Variants in RNF17 observed in about 807,000 individuals in gnomAD.
RNF17 encodes spermatogenesis associated 23.
A neutral mutation model predicts 200.5 loss-of-function variants in RNF17; 31 were observed. That is an observed-to-expected ratio of 0.15 (90% CI 0.12 to 0.21). The LOEUF (loss-of-function observed/expected upper bound fraction) is 0.21. Among genes scored for constraint, RNF17 ranks in the 10% least tolerant of loss-of-function variants. RNF17 has a pLI of 1.00. For synonymous variants in RNF17, 606 were observed against 637.8 expected, an observed-to-expected ratio of 0.95 and a Z score of 0.75; for missense variants, 1,628 against 1,905.1, an observed-to-expected ratio of 0.85 and a Z score of 2.71.
At chr13:24,772,798 G>A (rs1880970117) in intron 2 of RNF17, among the ~76,000 whole-genome samples, 1 of 151,990 alleles carries the variant, frequency 6.6e-6, no homozygotes, top group African/African-American at 2.4e-5. Flanking sequence ...TTTTAGTAGA[G>A]ACGGGGTTTC....
chr13:24,794,857 A>G (rs1171383428), intron 10 of RNF17, among the ~76,000 whole-genome samples: 1 of 152,162 alleles, frequency 6.6e-6, no homozygotes, highest in Non-Finnish European at 1.5e-5. Flanking sequence ...AGCTGGGATT[A>G]TAGGCACATG....
At chr13:24,884,828 T>C (rs1953965441), downstream of RNF17, among the ~76,000 whole-genome samples, 1 of 152,228 alleles carries the variant, frequency 6.6e-6, no homozygotes, top group African/African-American at 2.4e-5. Context: ...AGATTAGGTA[T>C]TCGAAAAGTA....
intron 20 of RNF17, among the ~76,000 whole-genome samples, chr13:24,844,451 A>G (rs58308348): frequency 0.12 from 18,811 of 152,068 alleles, 1,269 homozygotes; most frequent in Admixed American, 0.15. Context: ...AAGCCATATA[A>G]GTGTCTGAGG....
At chr13:24,760,257 A>T (rs999425589), upstream of RNF17, among the ~76,000 whole-genome samples, 1 of 152,226 alleles carries the variant, frequency 6.6e-6, no homozygotes, top group Non-Finnish European at 1.5e-5. Flanking sequence ...ATATCTGAGA[A>T]AAATGATTAT....
downstream of RNF17, chr13:24,883,420 T>TAAAC: frequency 1.4e-6 from 2 of 1,415,614 alleles, no homozygotes; most frequent in Non-Finnish European, 1.9e-6. Flanking sequence ...TAATAGAAAA[T>TAAAC]AAACAACAGA....
intron 15 of RNF17, among the ~76,000 whole-genome samples, chr13:24,812,209 G>A (rs1886739654): frequency 6.6e-6 from 1 of 150,956 alleles, no homozygotes; most frequent in African/African-American, 2.4e-5. Context: ...ACCTAAGCAA[G>A]CCTGGGCAAT....
intron 23 of RNF17, 63 bp from the exon 24 acceptor site, chr13:24,851,393 C>A: frequency 9.1e-7 from 1 of 1,095,840 alleles, no homozygotes; most frequent in Non-Finnish European, 1.4e-6. Flanking sequence ...GTGAAATGCA[C>A]ATTGTTTATA....
At chr13:24,791,734 G>A (rs1472998755) in intron 9 of RNF17, among the ~76,000 whole-genome samples, 2 of 152,140 alleles carry the variant, frequency 1.3e-5, no homozygotes. Flanking sequence ...AAGCACATAG[G>A]ATGATGTATA....
chr13:24,856,583 A>G (rs764696898), intron 25 of RNF17, among the ~76,000 whole-genome samples: 2 of 152,072 alleles, frequency 1.3e-5, no homozygotes, highest in African/African-American at 2.4e-5. Context: ...AATTTTTTTT[A>G]TAGGTTTAGT....
intron 18 of RNF17, among the ~76,000 whole-genome samples, chr13:24,835,500 CTG>C (rs771381381): frequency 7.9e-5 from 12 of 152,210 alleles, no homozygotes; most frequent in Admixed American, 2.0e-4. Context: ...TCACAGGACT[CTG>C]TGCAGACAAC....
At chr13:24,828,881 T>G (rs555666242) in intron 16 of RNF17, among the ~76,000 whole-genome samples, 1 of 152,142 alleles carries the variant, frequency 6.6e-6, no homozygotes, top group South Asian at 2.1e-4. Flanking sequence ...TGATCATGGT[T>G]CACTGCGACC....
At chr13:24,832,927 G>A (rs1889575738) in intron 18 of RNF17, among the ~76,000 whole-genome samples, 1 of 151,864 alleles carries the variant, frequency 6.6e-6, no homozygotes, top group Admixed American at 6.6e-5. Flanking sequence ...AATTTTTTTT[G>A]TAGAGATGGG....
chr13:24,821,072 C>A (rs1187883226), intron 15 of RNF17, among the ~76,000 whole-genome samples: 2 of 152,120 alleles, frequency 1.3e-5, no homozygotes, highest in African/African-American at 4.8e-5. Context: ...ATCCATTTCA[C>A]CTCTCTGCTT....
At position 24,793,305 on chromosome 13, in the gene RNF17, C is replaced by G; in HGVS notation, c.1199C>G (p.Pro400Arg). 1 of 1,595,480 alleles carries G rather than the reference C, an allele frequency of 6.3e-7. No individual in the cohort carries two copies. Among genetic ancestry groups the G allele is most frequent in the Non-Finnish European group, 8.5e-7 (1 of 1,174,188 alleles). The change falls in exon 10 of 36, where the codon CCT (proline) becomes CGT (arginine). Residue 400 changes from proline to arginine, a missense_variant. Transcript: ENST00000255324. ...GTGTTACCTCAGATGGGATCTAGCC[C>G]TGATGTGATAATTGAAGAAATTATT... ...IAVLPQMGSS[P>R]DVIIEEIIED...
intron 15 of RNF17, among the ~76,000 whole-genome samples, chr13:24,820,252 G>A (rs892583283): frequency 6.6e-6 from 1 of 151,410 alleles, no homozygotes; most frequent in African/African-American, 2.4e-5. Context: ...CTCCCTAGTA[G>A]CTGGGATTTC....
the RNF17 span, among the ~76,000 whole-genome samples, chr13:24,749,303 C>CTTTTTTTTT: frequency 3.1e-5 from 1 of 31,950 alleles, no homozygotes; most frequent in South Asian, 1.3e-3. Flanking sequence ...TTCTTTCTTT[C>CTTTTTTTTT]TTTCTTTTTT....
At chr13:24,809,149 G>T (rs1168920765) in intron 15 of RNF17, among the ~76,000 whole-genome samples, 1 of 150,250 alleles carries the variant, frequency 6.7e-6, no homozygotes, top group Non-Finnish European at 1.5e-5. Flanking sequence ...TCAGGATGAT[G>T]CTGGCCTCAT....
chr13:24,767,852 A>G (rs1879963819), intron 2 of RNF17, among the ~76,000 whole-genome samples: 1 of 152,198 alleles, frequency 6.6e-6, no homozygotes, highest in Admixed American at 6.5e-5. Flanking sequence ...ATAATTGTGT[A>G]AAGTGATCAG....
At chr13:24,807,576 T>G (rs2137787632) in intron 15 of RNF17, among the ~76,000 whole-genome samples, 1 of 152,336 alleles carries the variant, frequency 6.6e-6, no homozygotes, top group Middle Eastern at 3.4e-3. Context: ...TTGCGAAAAT[T>G]TTCTCCCATT....
Sources: allele counts gnomAD v4.1 joint callset (sites outside exome capture counted in the v4.1 genomes callset), GRCh38; gene constraint gnomAD v4.1.1; transcripts MANE v1.5; gene names NCBI Gene and HGNC (gene_info 2026-07-23, HGNC 2026-07-21).